The following INTS9 variants were observed in gnomAD, a reference collection of about 807,000 sequenced individuals.
The protein encoded by INTS9 is integrator complex subunit 9.
A neutral mutation model predicts 79.7 loss-of-function variants in INTS9; 55 were observed. The observed-to-expected ratio is 0.69, with a 90% CI of 0.56 to 0.86. The LOEUF (loss-of-function observed/expected upper bound fraction) is 0.86, where lower values mean the gene tolerates loss of function less well. INTS9 is among the 40% of genes least tolerant of loss of function. The probability of loss-of-function intolerance (pLI) is 0.00; values close to 1 mark genes in which losing one functional copy is unlikely to be tolerated. For missense variants in INTS9, 721 were observed against 831.5 expected (o/e 0.87, Z 1.64); for synonymous variants, 319 against 325.2 (o/e 0.98, Z 0.20).
intron 1 of INTS9, among the ~76,000 whole-genome samples, chr8:28,877,981 G>GA (rs1408767615): frequency 1.8e-4 from 27 of 152,032 alleles, no homozygotes; most frequent in Admixed American, 1.8e-3. Context: ...TCATTGTTCA[G>GA]AAAAAAGTAT....
chr8:28,793,129 G>A (rs1236235785), intron 10 of INTS9, among the ~76,000 whole-genome samples: 1 of 152,094 alleles, frequency 6.6e-6, no homozygotes, highest in Non-Finnish European at 1.5e-5. Context: ...GTGTCTATCG[G>A]CTACCTCATG....
chr8:28,777,749 C>G, intron 13 of INTS9, 80 bp downstream of exon 13: 2 of 1,464,430 alleles, frequency 1.4e-6, no homozygotes, highest in Non-Finnish European at 1.8e-6. Context: ...AGCTAGATCT[C>G]TCTCCCCTCA....
intron 11 of INTS9, among the ~76,000 whole-genome samples, chr8:28,782,546 T>C (rs1261469640): frequency 3.3e-5 from 5 of 152,226 alleles, no homozygotes; most frequent in African/African-American, 1.2e-4. Flanking sequence ...CATGCACACA[T>C]ACACGCACAC....
chr8:28,825,309 A>G (rs1022525635), intron 6 of INTS9, among the ~76,000 whole-genome samples: 4 of 152,200 alleles, frequency 2.6e-5, no homozygotes, highest in Non-Finnish European at 5.9e-5. Context: ...ATAATGATGA[A>G]TAACACTTGC....
rs1229827926 is a variant in INTS9, at chr8:28,817,005, GT to G, written c.489-3394del. Among the ~76,000 whole-genome samples the G allele has an allele frequency of 2.0e-5, 3 of 148,430 alleles. No individual in the cohort carries two copies. In the East Asian group the frequency reaches 5.9e-4, roughly 29 times the overall value. On this transcript the variant is annotated intron_variant, in intron 6 of 16. Coordinates refer to ENST00000521022, the MANE Select transcript of INTS9 (RefSeq NM_018250.4). ...TGCCCACTTTTTGATGGGGTTGTTT[GT>G]TTTTTTCTTGTAAACTTGTTTGAGT...
At chr8:28,881,724 C>T (rs1372174399) in intron 1 of INTS9, among the ~76,000 whole-genome samples, 2 of 146,092 alleles carry the variant, frequency 1.4e-5, no homozygotes, top group Non-Finnish European at 3.0e-5. Flanking sequence ...GCCCCCCTTC[C>T]GGCCGGCCGC....
At chr8:28,844,441 G>C (rs548811559) in intron 4 of INTS9, among the ~76,000 whole-genome samples, 1 of 152,176 alleles carries the variant, frequency 6.6e-6, no homozygotes, top group Non-Finnish European at 1.5e-5. Flanking sequence ...TTGGGAGGTT[G>C]AGGTGGGAGG....
chr8:28,772,850 GTGTATACTTATA>G (rs1004075101), intron 14 of INTS9, among the ~76,000 whole-genome samples: 1 of 152,100 alleles, frequency 6.6e-6, no homozygotes, highest in African/African-American at 2.4e-5. Flanking sequence ...TTAGATAACA[GTGTATACTTATA>G]TAACTGGAAA....
At chr8:28,804,206 A>G (rs1012171866) in intron 8 of INTS9, among the ~76,000 whole-genome samples, 13 of 152,208 alleles carry the variant, frequency 8.5e-5, no homozygotes, top group Non-Finnish European at 1.0e-4. Context: ...GATTACAGGC[A>G]TGAGCCAATA....
chr8:28,803,653 C>CATG (rs1179694771), intron 8 of INTS9, among the ~76,000 whole-genome samples: 1 of 152,106 alleles, frequency 6.6e-6, no homozygotes, highest in Non-Finnish European at 1.5e-5. Context: ...TGGTAGAATC[C>CATG]ATGATGACCT....
At chr8:28,856,526 A>T (rs1045612445) in intron 2 of INTS9, among the ~76,000 whole-genome samples, 1 of 151,940 alleles carries the variant, frequency 6.6e-6, no homozygotes, top group Non-Finnish European at 1.5e-5. Context: ...GGCTCAAGTG[A>T]TCCTCCTGCC....
In INTS9 at chr8:28,787,934, G is replaced by C. The variant is rs763630161; in HGVS notation, c.1038-45C>G. On this transcript the variant is annotated intron_variant, in intron 10 of 16. Coordinates refer to ENST00000521022, the MANE Select transcript of INTS9 (RefSeq NM_018250.4). ...CATCAGCATGTGAGGAAGAGCATAC[G>C]GTGGCATCTGTTGCCACCTAGTGGC... is the stretch of plus-strand genomic sequence containing the variant. The C allele has an allele frequency of 1.4e-5, 20 of 1,424,396 alleles. No individual in the cohort carries two copies. The Admixed American group carries it at 3.3e-4, about 24-fold the overall frequency. 88.2% of individuals were successfully genotyped at this position (1,424,396 alleles called of 1,614,324 possible).
In INTS9 at chr8:28,811,104, T is replaced by C. The variant is rs1032234708; in HGVS notation, c.744+1223A>G. On this transcript the variant is annotated intron_variant, in intron 8 of 16. Coordinates refer to ENST00000521022, the MANE Select transcript of INTS9 (RefSeq NM_018250.4). Reference sequence around the variant, plus strand: ...CACGGCTTTACGTGGCTAATTTCTCTGTTTTTCTTTTTTCTTTCTCTCTCT... The same window carrying C: ...CACGGCTTTACGTGGCTAATTTCTCCGTTTTTCTTTTTTCTTTCTCTCTCT... Among the ~76,000 whole-genome samples the C allele has an allele frequency of 7.3e-5, 11 of 151,352 alleles. No individual in the cohort carries two copies. The East Asian group carries it at 7.9e-4, about 11-fold the overall frequency.
In INTS9 at chr8:28,778,521, C is replaced by T. The variant is rs370032921; in HGVS notation, c.1271-568G>A. ...GCACCCGGAAGACAAGCGCACGGCC[C>T]CGCCTCCAGGCCCGTGAATGGTCTG... is the stretch of plus-strand genomic sequence containing the variant. On this transcript the variant is annotated intron_variant, in intron 12 of 16. Coordinates refer to ENST00000521022, the MANE Select transcript of INTS9 (RefSeq NM_018250.4). 1.7e-4 allele frequency among the ~76,000 whole-genome samples: 26 copies of T among 152,310 alleles called. No individual in the cohort carries two copies. The East Asian group carries it at 1.7e-3, about 10-fold the overall frequency.
At chr8:28,779,666 C>A (rs1321242456) in intron 12 of INTS9, among the ~76,000 whole-genome samples, 1 of 152,214 alleles carries the variant, frequency 6.6e-6, no homozygotes, top group Non-Finnish European at 1.5e-5. Flanking sequence ...ACCTGCGCAT[C>A]ACCGAACACC....
chr8:28,784,936 CATCT>C (rs1234328952), intron 11 of INTS9, among the ~76,000 whole-genome samples: 1 of 152,202 alleles, frequency 6.6e-6, no homozygotes, highest in Non-Finnish European at 1.5e-5. Flanking sequence ...CCATGGAGTA[CATCT>C]ATCTGTCACA....
chr8:28,821,356 C>T (rs1474057038), intron 6 of INTS9, among the ~76,000 whole-genome samples: 8 of 152,244 alleles, frequency 5.3e-5, no homozygotes, highest in African/African-American at 1.9e-4. Flanking sequence ...GCGGAAGCCC[C>T]GATAAACCCA....
At position 28,793,808 on chromosome 8, in the gene INTS9, A is replaced by AC; in HGVS notation, c.1035dup (p.Trp346ValfsTer9). The AC allele has an allele frequency of 1.3e-6, 2 of 1,590,442 alleles. No homozygotes were observed. Among genetic ancestry groups the AC allele is most frequent in the Non-Finnish European group, 1.7e-6 (2 of 1,169,650 alleles). ...AAAAAAAAAAAACCACGGACATACC[A>AC]CTCAGCAAAGATCTGGGAAAACTCC... On this transcript the variant is annotated frameshift_variant and splice_region_variant, in exon 10 of 17. Coordinates refer to ENST00000521022, the MANE Select transcript of INTS9 (RefSeq NM_018250.4). LOFTEE classifies it high-confidence loss of function.
At chr8:28,867,719 GTT>G (rs575142934) in intron 1 of INTS9, among the ~76,000 whole-genome samples, 7 of 134,204 alleles carry the variant, frequency 5.2e-5, no homozygotes, top group African/African-American at 5.4e-5. Context: ...TAACAAGTCT[GTT>G]TTTTTTTTTT....
Sources: allele counts gnomAD v4.1 joint callset (sites outside exome capture counted in the v4.1 genomes callset), GRCh38; gene constraint gnomAD v4.1.1; transcripts MANE v1.5; gene names NCBI Gene and HGNC (gene_info 2026-07-23, HGNC 2026-07-21).